SNX30: variants seen among roughly 807,000 people sequenced by gnomAD.
SNX30 encodes the protein sorting nexin-30.
A neutral mutation model predicts 46.4 loss-of-function variants in SNX30; 24 were observed. That is an observed-to-expected ratio of 0.52 (90% CI 0.37 to 0.73). The LOEUF (loss-of-function observed/expected upper bound fraction) is 0.73. Among genes scored for constraint, SNX30 ranks in the 30% least tolerant of loss-of-function variants. The probability of loss-of-function intolerance (pLI) is 0.00; values close to 1 mark genes in which losing one functional copy is unlikely to be tolerated. For synonymous variants in SNX30, 189 were observed against 211.5 expected, an observed-to-expected ratio of 0.89 and a Z score of 0.92; for missense variants, 533 against 555.7, an observed-to-expected ratio of 0.96 and a Z score of 0.41.
chr9:112,846,851 C>T lies in SNX30; in HGVS notation c.1015-4008C>T, dbSNP rs543868122. Among the ~76,000 whole-genome samples, 202 of 152,290 alleles carry T rather than the reference C, an allele frequency of 1.3e-3. 1 individual carries two copies. Among genetic ancestry groups the T allele is most frequent in the African/African-American group, 3.6e-3 (148 of 41,562 alleles). ...CTTTTTGGTAGCTGCTGACCTTTGG[C>T]GCTGGGGCTCCTTTTCTGCCTTTTC... On this transcript the variant is annotated intron_variant, in intron 6 of 8. Transcript: ENST00000374232.
intron 1 of SNX30, among the ~76,000 whole-genome samples, chr9:112,777,176 A>G (rs796364471): frequency 7.9e-5 from 12 of 151,962 alleles, no homozygotes; most frequent in African/African-American, 2.9e-4. Flanking sequence ...AATTCCTCAA[A>G]ATTTCTTATT....
At chr9:112,773,881 C>G (rs1839694025) in intron 1 of SNX30, among the ~76,000 whole-genome samples, 1 of 152,282 alleles carries the variant, frequency 6.6e-6, no homozygotes, top group African/African-American at 2.4e-5. Context: ...ATGTTCACGT[C>G]TTCTCCTTAA....
chr9:112,797,447 C>T (rs551713955), intron 1 of SNX30, among the ~76,000 whole-genome samples: 67 of 152,252 alleles, frequency 4.4e-4, no homozygotes, highest in Admixed American at 1.0e-3. Flanking sequence ...TATATCCCCA[C>T]CTACTCATCC....
intron 7 of SNX30, among the ~76,000 whole-genome samples, chr9:112,860,837 T>A (rs2131500061): frequency 6.6e-6 from 1 of 152,322 alleles, no homozygotes; most frequent in African/African-American, 2.4e-5. Context: ...AGATTATCTT[T>A]TGTGAACAGC....
At chr9:112,767,221 C>T (rs539745556) in intron 1 of SNX30, among the ~76,000 whole-genome samples, 14 of 151,438 alleles carry the variant, frequency 9.2e-5, no homozygotes, top group South Asian at 2.1e-4. Context: ...TATTTTCATA[C>T]GCTTATTGGC....
chr9:112,876,983 T>C (rs748020476), downstream of SNX30: 2 of 150,996 alleles, frequency 1.3e-5, no homozygotes, highest in Non-Finnish European at 2.9e-5. Flanking sequence ...GGGAAAATTC[T>C]TGAGAAAAAA....
chr9:112,778,841 G>T (rs1839794192), intron 1 of SNX30, among the ~76,000 whole-genome samples: 1 of 144,056 alleles, frequency 6.9e-6, no homozygotes, highest in East Asian at 2.2e-4. Context: ...TGACAGCACA[G>T]ATCATAAGTG....
At chr9:112,756,435 CTTTTTTTTTTTTTTTT>C (rs61338659) in intron 1 of SNX30, among the ~76,000 whole-genome samples, 1 of 67,404 alleles carries the variant, frequency 1.5e-5, no homozygotes, top group Non-Finnish European at 2.5e-5. Context: ...TGTAATCATC[CTTTTTTTTTTTTTTTT>C]TTTTTTTTTT....
chr9:112,750,955 G>A lies in SNX30; in HGVS notation c.-47G>A, dbSNP rs894100720. ...GGGTGCTCGGGGAGCTCGCCGCGGC[G>A]GGCAGCAGGAGGAAGCGGCGGCGGC... On this transcript the variant is annotated 5_prime_UTR_variant, in exon 1 of 9. Transcript: ENST00000374232. The A allele has an allele frequency of 2.5e-6, 3 of 1,197,488 alleles. No individual in the cohort carries two copies. Among genetic ancestry groups the A allele is most frequent in the Admixed American group, 4.5e-5 (1 of 22,332 alleles). The allele number at this position is 1,197,488 out of a possible 1,614,324, so 74.2% of individuals were successfully genotyped here. A position where few individuals can be genotyped will look rare whatever the true frequency, so the allele number is the denominator to read the frequency against.
At chr9:112,864,092 G>A (rs1841279941) in intron 7 of SNX30, among the ~76,000 whole-genome samples, 155 bp from the exon 8 acceptor site, 1 of 152,200 alleles carries the variant, frequency 6.6e-6, no homozygotes, top group Admixed American at 6.5e-5. Context: ...AAAACCCAAG[G>A]TTTTGCTTTC....
chr9:112,772,470 A>G (rs1839667945), intron 1 of SNX30, among the ~76,000 whole-genome samples: 1 of 152,016 alleles, frequency 6.6e-6, no homozygotes, highest in Non-Finnish European at 1.5e-5. Flanking sequence ...CATTGTTTAG[A>G]TTTGTGGATT....
intron 1 of SNX30, among the ~76,000 whole-genome samples, chr9:112,792,834 TTTTAA>T (rs1165640465): frequency 6.6e-6 from 1 of 152,164 alleles, no homozygotes; most frequent in Non-Finnish European, 1.5e-5. Context: ...TTCTTTTCTG[TTTTAA>T]TTTATGCTTT....
intron 1 of SNX30, among the ~76,000 whole-genome samples, chr9:112,773,140 C>T (rs954757038): frequency 3.3e-5 from 5 of 152,136 alleles, no homozygotes; most frequent in South Asian, 4.1e-4. Context: ...GTTGCAGCTG[C>T]GTAGAGAGAA....
At chr9:112,846,007 A>G (rs1190049086) in intron 6 of SNX30, among the ~76,000 whole-genome samples, 1 of 152,240 alleles carries the variant, frequency 6.6e-6, no homozygotes, top group East Asian at 1.9e-4. Flanking sequence ...GCCATAAAAC[A>G]GTAATTTTTA....
intron 7 of SNX30, among the ~76,000 whole-genome samples, chr9:112,852,213 C>T (rs1040600051): frequency 1.3e-5 from 2 of 151,466 alleles, no homozygotes; most frequent in African/African-American, 4.9e-5. Flanking sequence ...TGTGAATGGC[C>T]ACTGCACCCC....
At chr9:112,851,014 C>G in intron 7 of SNX30, 69 bp downstream of exon 7, 1 of 1,242,660 alleles carries the variant, frequency 8.0e-7, no homozygotes, top group Non-Finnish European at 1.2e-6. Flanking sequence ...AAATTCTCAT[C>G]TCTAGATCTG....
intron 6 of SNX30, among the ~76,000 whole-genome samples, chr9:112,841,688 G>A (rs10817395): frequency 0.17 from 26,548 of 152,208 alleles, 3,123 homozygotes; most frequent in African/African-American, 0.33. Context: ...AGCAAAGACT[G>A]TGTCTGGGAT....
At chr9:112,821,491 A>G (rs1365413969) in intron 3 of SNX30, among the ~76,000 whole-genome samples, 5 of 151,842 alleles carry the variant, frequency 3.3e-5, no homozygotes, top group African/African-American at 9.7e-5. Flanking sequence ...GTGTGTGTAT[A>G]TAATTTTTTT....
chr9:112,830,237 T>C (rs1170648063), intron 3 of SNX30, among the ~76,000 whole-genome samples: 1 of 152,080 alleles, frequency 6.6e-6, no homozygotes, highest in Non-Finnish European at 1.5e-5. Flanking sequence ...TAAAAGGTAT[T>C]TTTTTTAGAT....
Sources: gnomAD v4.1 joint callset for allele counts (sites outside exome capture counted in the v4.1 genomes callset) on GRCh38, gnomAD v4.1.1 for gene constraint, MANE v1.5 for transcripts, NCBI Gene and HGNC (gene_info 2026-07-23, HGNC 2026-07-21) for gene names.